UNC13B: variants seen among roughly 807,000 people sequenced by gnomAD.
The protein encoded by UNC13B is unc-13 homolog B.
UNC13B carries 144 observed loss-of-function variants against 211.0 expected under a neutral mutation model. The observed-to-expected ratio is 0.68, with a 90% CI of 0.60 to 0.78. The LOEUF (loss-of-function observed/expected upper bound fraction) is 0.78. Ranked by LOEUF, UNC13B falls within the 30% of genes least tolerant of loss-of-function variation. The probability of loss-of-function intolerance (pLI) is 0.00; values close to 1 mark genes in which losing one functional copy is unlikely to be tolerated. For missense variants in UNC13B, 1,777 were observed against 2,002.0 expected, an observed-to-expected ratio of 0.89 and a Z score of 2.14; for synonymous variants, 709 against 725.8, an observed-to-expected ratio of 0.98 and a Z score of 0.37.
At chr9:35,253,255 G>C (rs895290201) in intron 6 of UNC13B, among the ~76,000 whole-genome samples, 1 of 152,028 alleles carries the variant, frequency 6.6e-6, no homozygotes, top group Non-Finnish European at 1.5e-5. Flanking sequence ...GATCCTCCCA[G>C]TTCAGCTTCC....
intron 1 of UNC13B, among the ~76,000 whole-genome samples, chr9:35,164,057 C>T (rs1820908526): frequency 6.6e-6 from 1 of 152,172 alleles, no homozygotes; most frequent in Admixed American, 6.5e-5. Flanking sequence ...CATTCTGTCA[C>T]CCAGGCTGGA....
chr9:35,363,576 A>G (rs1488580285), intron 11 of UNC13B, among the ~76,000 whole-genome samples: 3 of 152,138 alleles, frequency 2.0e-5, no homozygotes, highest in Non-Finnish European at 1.5e-5. Flanking sequence ...GAACCTGTGA[A>G]TTCGATTCTT....
chr9:35,343,075 T>C (rs1263328309), intron 11 of UNC13B, among the ~76,000 whole-genome samples: 1 of 152,250 alleles, frequency 6.6e-6, no homozygotes, highest in Non-Finnish European at 1.5e-5. Context: ...GTGTCTTGCA[T>C]GTATGAAGAA....
chr9:35,359,516 T>C (rs994048395), intron 11 of UNC13B, among the ~76,000 whole-genome samples: 2 of 152,202 alleles, frequency 1.3e-5, no homozygotes, highest in Non-Finnish European at 2.9e-5. Flanking sequence ...AATAGGCATC[T>C]CATTTGACAT....
intron 1 of UNC13B, among the ~76,000 whole-genome samples, chr9:35,219,006 C>A (rs1025496469): frequency 2.6e-5 from 4 of 152,134 alleles, no homozygotes; most frequent in African/African-American, 9.7e-5. Context: ...GCCTCGGCCT[C>A]CCAAAGTGCT....
intron 1 of UNC13B, among the ~76,000 whole-genome samples, chr9:35,185,010 T>TG (rs1822281502): frequency 6.6e-6 from 1 of 152,252 alleles, no homozygotes; most frequent in African/African-American, 2.4e-5. Flanking sequence ...TTCATTCGTA[T>TG]GGGGGTTCCC....
chr9:35,320,417 A>G (rs1830682617), intron 11 of UNC13B, among the ~76,000 whole-genome samples: 1 of 152,208 alleles, frequency 6.6e-6, no homozygotes, highest in African/African-American at 2.4e-5. Context: ...TACTCCCACT[A>G]GTAATGTCTT....
At chr9:35,175,017 C>T (rs1439324084) in intron 1 of UNC13B, among the ~76,000 whole-genome samples, 4 of 150,754 alleles carry the variant, frequency 2.7e-5, no homozygotes, top group African/African-American at 4.9e-5. Flanking sequence ...AGGCTTGTCT[C>T]GAACTCCTGG....
chr9:35,346,861 G>T lies in UNC13B; in HGVS notation c.9415-20086G>T, dbSNP rs374613041. Among the ~76,000 whole-genome samples, 97 of 151,984 alleles carry T rather than the reference G, an allele frequency of 6.4e-4. 1 individual carries two copies. In the South Asian group the frequency reaches 0.016, roughly 24 times the overall value. On this transcript the variant is annotated intron_variant, in intron 11 of 39. Coordinates refer to ENST00000635942, the MANE Select transcript of UNC13B (RefSeq NM_001371189.2). ...ACTTTTCTGTGGCCTTGTATGCCTCGTTTTGCTGGGCCTCTCACCTCCTTT... is the reference window on the plus strand; with the variant it reads ...ACTTTTCTGTGGCCTTGTATGCCTCTTTTTGCTGGGCCTCTCACCTCCTTT...
At chr9:35,329,071 C>T (rs923429978) in intron 11 of UNC13B, among the ~76,000 whole-genome samples, 2 of 151,762 alleles carry the variant, frequency 1.3e-5, no homozygotes, top group East Asian at 1.9e-4. Context: ...TCGCCCAGCC[C>T]CGAATTGTCC....
At chr9:35,176,682 G>C (rs1821654898) in intron 1 of UNC13B, among the ~76,000 whole-genome samples, 1 of 151,910 alleles carries the variant, frequency 6.6e-6, no homozygotes, top group African/African-American at 2.4e-5. Flanking sequence ...GGAGGAGTTA[G>C]ACATTAAACA....
intron 1 of UNC13B, among the ~76,000 whole-genome samples, chr9:35,202,378 T>C (rs984581979): frequency 6.6e-6 from 1 of 151,962 alleles, no homozygotes; most frequent in Admixed American, 6.6e-5. Context: ...GTTCAATTCT[T>C]GGTGAGTTCA....
chr9:35,390,049 T>A (rs1835435054), intron 25 of UNC13B, 76 bp downstream of exon 25: 2 of 1,588,036 alleles, frequency 1.3e-6, no homozygotes, highest in East Asian at 2.3e-5. Context: ...TTCTTTCCTG[T>A]CTCTGTATGT....
intron 15 of UNC13B, 40 bp from the exon 16 acceptor site, chr9:35,377,428 G>C (rs1435879755): frequency 6.2e-7 from 1 of 1,603,444 alleles, no homozygotes; most frequent in East Asian, 2.2e-5. Context: ...CTCAACCCTT[G>C]GTCTGGTAGG....
rs745885626 is a variant in UNC13B, at chr9:35,399,499, G to A, written c.12255+51G>A. 19 of 1,612,820 alleles carry A rather than the reference G, an allele frequency of 1.2e-5. No individual in the cohort carries two copies. The Middle Eastern group carries it at 1.2e-3, about 98-fold the overall frequency. ...GCAGGTGTGGTCCTTCTGAAGTCAT[G>A]GAGAGAGGGTGGCTGCGGGGAAGGA... is the stretch of plus-strand genomic sequence containing the variant. On this transcript the variant is annotated intron_variant, in intron 35 of 39. Coordinates refer to ENST00000635942, the MANE Select transcript of UNC13B (RefSeq NM_001371189.2).
intron 1 of UNC13B, among the ~76,000 whole-genome samples, chr9:35,165,594 T>A (rs1350211070): frequency 6.6e-6 from 1 of 151,838 alleles, no homozygotes; most frequent in Non-Finnish European, 1.5e-5. Context: ...ATTTTTTGTA[T>A]TTTTAGTAGA....
At chr9:35,352,652 T>C (rs182030942) in intron 11 of UNC13B, 10 of 1,232,076 alleles carry the variant, frequency 8.1e-6, no homozygotes. Flanking sequence ...AGGCCCTTGC[T>C]TTCTACTCAA....
rs779079946 is a variant in UNC13B at position 35,376,124 on chromosome 9, A to C, written c.9712A>C (p.Thr3238Pro). Residue 3238 changes from threonine (T) to proline (P), a missense_variant, in exon 15 of 40, where the codon ACC (threonine) becomes CCC (proline). Coordinates refer to ENST00000635942, the MANE Select transcript of UNC13B (RefSeq NM_001371189.2). ...TGAGGTCTGGACGGCCACTACCCCA[A>C]CCTACTGCTATGAGTGTGAAGGCCT... ...NFEVWTATTP[T>P]YCYECEGLLW... 8 of 1,614,130 alleles carry C rather than the reference A, an allele frequency of 5.0e-6. No homozygotes were observed. The highest frequency in any genetic ancestry group is 5.9e-6 in the Non-Finnish European group (7 of 1,180,046).
intron 7 of UNC13B, among the ~76,000 whole-genome samples, chr9:35,259,395 T>TTTTCTCC (rs2131627763): frequency 6.6e-6 from 1 of 152,260 alleles, no homozygotes; most frequent in East Asian, 1.9e-4. Context: ...CTTTGTGCTG[T>TTTTCTCC]TTTCTCCTTC....
Sources: gnomAD v4.1 joint callset for allele counts (sites outside exome capture counted in the v4.1 genomes callset) on GRCh38, gnomAD v4.1.1 for gene constraint, MANE v1.5 for transcripts, NCBI Gene and HGNC (gene_info 2026-07-23, HGNC 2026-07-21) for gene names.